The following INSR variants were observed in gnomAD, a reference collection of about 807,000 sequenced individuals.
INSR encodes the protein insulin receptor.
INSR carries 67 observed loss-of-function variants against 142.6 expected under a neutral mutation model. The observed-to-expected ratio is 0.47, with a 90% CI of 0.39 to 0.58. The LOEUF is 0.58. Among genes scored for constraint, INSR ranks in the 20% least tolerant of loss-of-function variants. The pLI, the probability that INSR is intolerant of heterozygous loss-of-function variation, is 0.00. For synonymous variants in INSR, 756 were observed against 743.1 expected (o/e 1.02, Z -0.28); for missense variants, 1,248 against 1,833.2 (o/e 0.68, Z 5.83).
intron 9 of INSR, among the ~76,000 whole-genome samples, chr19:7,154,669 ATCC>A (rs1973544317): frequency 6.8e-6 from 1 of 147,788 alleles, no homozygotes; most frequent in African/African-American, 2.5e-5. Context: ...CACTCCTGTA[ATCC>A]CAGCACTTTG....
In INSR at chr19:7,244,532, C is replaced by CAAAAAAAAA. The variant is rs367586146; in HGVS notation, c.652+22812_652+22813insTTTTTTTTT. Among the ~76,000 whole-genome samples, 26 of 145,114 alleles carry CAAAAAAAAA rather than the reference C, an allele frequency of 1.8e-4. 1 individual carries two copies. The highest frequency in any genetic ancestry group is 3.4e-4 in the Admixed American group (5 of 14,730). ...TGGGTGACAGGGCGAGACTCTGTCT[C>CAAAAAAAAA]AAAAAGAAAAAAAAAGATTTGAGCA... On this transcript the variant is annotated intron_variant, in intron 2 of 21. Transcript: ENST00000302850.
chr19:7,285,327 G>A (rs1568238940), intron 1 of INSR, among the ~76,000 whole-genome samples: 2 of 152,096 alleles, frequency 1.3e-5, no homozygotes, highest in Non-Finnish European at 2.9e-5. Context: ...TGGCGTGCCT[G>A]TAACCCCAGC....
At chr19:7,266,264 C>T (rs1389472327) in intron 2 of INSR, among the ~76,000 whole-genome samples, 1 of 152,108 alleles carries the variant, frequency 6.6e-6, no homozygotes, top group Non-Finnish European at 1.5e-5. Context: ...TGTCAATCTG[C>T]ACCAAGAGCC....
chr19:7,198,907 GGGT>G (rs1974871281), intron 2 of INSR, among the ~76,000 whole-genome samples: 2 of 151,836 alleles, frequency 1.3e-5, no homozygotes, highest in Non-Finnish European at 2.9e-5. Context: ...TTTGGGGGGG[GGGT>G]CTCACTCTGT....
At chr19:7,120,595 A>C in intron 20 of INSR, 25 bp downstream of exon 20, 1 of 1,613,738 alleles carries the variant, frequency 6.2e-7, no homozygotes. Flanking sequence ...CCCAGCGTCC[A>C]TCCACCCATC....
At chr19:7,279,145 A>G (rs185847822) in intron 1 of INSR, among the ~76,000 whole-genome samples, 40 of 151,622 alleles carry the variant, frequency 2.6e-4, no homozygotes, top group East Asian at 2.5e-3. Flanking sequence ...GAAAAGAAAT[A>G]AAATAAAATA....
chr19:7,161,780 A>C lies in INSR; in HGVS notation c.2029+1252T>G, dbSNP rs1264805510. On this transcript the variant is annotated intron_variant, in intron 9 of 21. Coordinates refer to ENST00000302850, the MANE Select transcript of INSR (RefSeq NM_000208.4). ...ACAAGGAAGGCAGGGAGGGAGAAAG[A>C]AGGAGAGACAAGAGGAGAAAATCCC... is the stretch of plus-strand genomic sequence containing the variant. Among the ~76,000 whole-genome samples, 3 of 152,168 alleles carry C rather than the reference A, an allele frequency of 2.0e-5. No homozygotes were observed. The South Asian group carries it at 6.2e-4, about 32-fold the overall frequency.
At chr19:7,272,393 G>A (rs972143001) in intron 1 of INSR, among the ~76,000 whole-genome samples, 15 of 152,092 alleles carry the variant, frequency 9.9e-5, no homozygotes, top group African/African-American at 3.1e-4. Context: ...TGAGGCAGGT[G>A]GATCACCTGA....
chr19:7,242,734 C>A (rs367979812), intron 2 of INSR, among the ~76,000 whole-genome samples: 435 of 92,036 alleles, frequency 4.7e-3, no homozygotes, highest in East Asian at 8.8e-3. Context: ...GAGACTGCCT[C>A]AAAAAAAAAA....
chr19:7,243,234 G>GTTTTTTTTTTTTTTT, intron 2 of INSR, among the ~76,000 whole-genome samples: 1 of 68,178 alleles, frequency 1.5e-5, no homozygotes, highest in Non-Finnish European at 2.5e-5. Flanking sequence ...CACTGTTTTG[G>GTTTTTTTTTTTTTTT]TTTTTTTTTT....
chr19:7,158,368 GC>G (rs1973662391), intron 9 of INSR, among the ~76,000 whole-genome samples: 1 of 152,062 alleles, frequency 6.6e-6, no homozygotes, highest in East Asian at 1.9e-4. Flanking sequence ...GGGCGTGGTG[GC>G]GGGCGCCTGT....
chr19:7,212,037 C>T (rs762077002), intron 2 of INSR, among the ~76,000 whole-genome samples: 2 of 152,084 alleles, frequency 1.3e-5, no homozygotes, highest in Admixed American at 6.6e-5. Flanking sequence ...TATTCAGAGT[C>T]GGATCTTCAT....
intron 13 of INSR, among the ~76,000 whole-genome samples, chr19:7,132,587 C>A (rs966588928): frequency 6.6e-6 from 1 of 150,602 alleles, no homozygotes; most frequent in African/African-American, 2.4e-5. Context: ...GGTTTCTTTT[C>A]TTTTCCTTTT....
At chr19:7,220,430 AC>A (rs1386557219) in intron 2 of INSR, among the ~76,000 whole-genome samples, 1 of 152,144 alleles carries the variant, frequency 6.6e-6, no homozygotes, top group Non-Finnish European at 1.5e-5. Context: ...AGCTGGGGCT[AC>A]AGGCGCGCCA....
intron 2 of INSR, among the ~76,000 whole-genome samples, chr19:7,265,478 C>A (rs1041267308): frequency 6.6e-6 from 1 of 152,088 alleles, no homozygotes; most frequent in Non-Finnish European, 1.5e-5. Flanking sequence ...CGGTGGCTCA[C>A]GCCTGTAATC....
intron 2 of INSR, among the ~76,000 whole-genome samples, chr19:7,249,230 C>T (rs756560888): frequency 5.9e-5 from 9 of 152,126 alleles, no homozygotes; most frequent in Non-Finnish European, 8.8e-5. Context: ...TCGCTCTCCC[C>T]GTGACATCTG....
chr19:7,245,592 G>GTTCC (rs1324143488), intron 2 of INSR, among the ~76,000 whole-genome samples: 1 of 151,996 alleles, frequency 6.6e-6, no homozygotes, highest in East Asian at 1.9e-4. Context: ...GGGACTACAG[G>GTTCC]CATGTGCCAC....
At position 7,152,328 on chromosome 19, in the gene INSR, C is replaced by T. The variant is rs563408813; in HGVS notation, c.2231+398G>A. 4.3e-4 allele frequency: 128 copies of T among 297,584 alleles called. 4 individuals are homozygous for T. The highest frequency in any genetic ancestry group is 3.6e-3 in the South Asian group (124 of 34,306). 18.4% of individuals were successfully genotyped at this position (297,584 alleles called of 1,614,324 possible). ...ATCACTCGAACCCGGAAAGGGTGAG[C>T]TGAAATCGCACCACCGCACTCCAGC... On this transcript the variant is annotated intron_variant, in intron 10 of 21. Transcript: ENST00000302850.
rs1003255207 is a variant in INSR at position 7,119,165 on chromosome 19, G to A, written c.3794+284C>T. Among the ~76,000 whole-genome samples the A allele has an allele frequency of 7.9e-5, 12 of 152,138 alleles. No homozygotes were observed. The highest frequency in any genetic ancestry group is 2.7e-4 in the African/African-American group (11 of 41,410). On this transcript the variant is annotated intron_variant, in intron 21 of 21. Coordinates refer to ENST00000302850, the MANE Select transcript of INSR (RefSeq NM_000208.4). This position sits in a 1 kb window ranked among gnomAD's most constrained non-coding sequence, Gnocchi z 5.2. Reference sequence around the variant, plus strand: ...GTGCCATGATATGCTGATGCACACAGAAACATATAATATGCAAACATAAAT... The same window carrying A: ...GTGCCATGATATGCTGATGCACACAAAAACATATAATATGCAAACATAAAT...
Sources: gnomAD v4.1 joint callset for allele counts (sites outside exome capture counted in the v4.1 genomes callset) on GRCh38, gnomAD v4.1.1 for gene constraint, Gnocchi (gnomAD v3.1) non-coding constraint, MANE v1.5 for transcripts, NCBI Gene and HGNC (gene_info 2026-07-23, HGNC 2026-07-21) for gene names.